ULK4: variants seen among roughly 807,000 people sequenced by gnomAD.
ULK4 encodes the protein inactive serine/threonine-protein kinase ULK4.
Under a neutral mutation model 160.6 loss-of-function variants are expected in ULK4, and 133 were observed. The observed-to-expected ratio is 0.83, with a 90% CI of 0.72 to 0.96. The LOEUF (loss-of-function observed/expected upper bound fraction) is 0.96, where lower values mean the gene tolerates loss of function less well. Ranked by LOEUF, ULK4 falls within the 40% of genes least tolerant of loss-of-function variation. The pLI, the probability that ULK4 is intolerant of heterozygous loss-of-function variation, is 0.00. For synonymous variants in ULK4, 534 were observed against 539.8 expected, an observed-to-expected ratio of 0.99 and a Z score of 0.15; for missense variants, 1,580 against 1,499.5, an observed-to-expected ratio of 1.05 and a Z score of -0.89.
intron 35 of ULK4, among the ~76,000 whole-genome samples, chr3:41,354,942 C>CTT (rs2080998787): frequency 6.6e-6 from 1 of 152,204 alleles, no homozygotes; most frequent in South Asian, 2.1e-4. Flanking sequence ...TGATGGCTAT[C>CTT]TTTCCCTTCT....
At chr3:41,727,666 G>T (rs1047283910) in intron 22 of ULK4, among the ~76,000 whole-genome samples, 6 of 152,154 alleles carry the variant, frequency 3.9e-5, no homozygotes, top group African/African-American at 1.4e-4. Flanking sequence ...CCATGTAAGG[G>T]ATTGTATGCC....
At chr3:41,823,366 A>C (rs1387731461) in intron 18 of ULK4, among the ~76,000 whole-genome samples, 1 of 152,232 alleles carries the variant, frequency 6.6e-6, no homozygotes, top group East Asian at 1.9e-4. Context: ...CTGAAGAGCC[A>C]GCCCAAAAGG....
At chr3:41,306,609 A>C (rs963742706) in intron 35 of ULK4, among the ~76,000 whole-genome samples, 27 of 151,226 alleles carry the variant, frequency 1.8e-4, no homozygotes, top group Non-Finnish European at 3.1e-4. Context: ...GGAAGTGAGG[A>C]GCCCCTCTGC....
rs11129931 is a variant in ULK4 at position 41,694,533 on chromosome 3, G to A, written c.2781+10524C>T. 3.5e-3 allele frequency among the ~76,000 whole-genome samples: 527 copies of A among 152,236 alleles called. 1 individual carries two copies. The highest frequency in any genetic ancestry group is 0.024 in the Middle Eastern group (7 of 292). On this transcript the variant is annotated intron_variant, in intron 27 of 36. Transcript: ENST00000301831. ...CTGACCTGGGGGATGAGAAGTCTAGGTTCACATAAGGAATGCTGAGTATAG... is the reference window on the plus strand; with the variant it reads ...CTGACCTGGGGGATGAGAAGTCTAGATTCACATAAGGAATGCTGAGTATAG...
intron 16 of ULK4, among the ~76,000 whole-genome samples, chr3:41,887,660 A>G (rs577267945): frequency 1.9e-4 from 29 of 152,008 alleles, no homozygotes; most frequent in Non-Finnish European, 3.7e-4. Context: ...TCTCTACTAA[A>G]ATATACAAAA....
At chr3:41,391,250 A>G (rs2081951942) in intron 35 of ULK4, among the ~76,000 whole-genome samples, 2 of 152,102 alleles carry the variant, frequency 1.3e-5, no homozygotes, top group South Asian at 4.1e-4. Context: ...TCAAGAAAAG[A>G]TCTCTTTCAG....
chr3:41,604,229 G>T (rs1237039938), intron 31 of ULK4, among the ~76,000 whole-genome samples: 1 of 152,086 alleles, frequency 6.6e-6, no homozygotes, highest in African/African-American at 2.4e-5. Context: ...ATCAGGAAGG[G>T]AAAGAGAGAG....
At chr3:41,467,291 G>A (rs2083858807) in intron 32 of ULK4, among the ~76,000 whole-genome samples, 1 of 152,152 alleles carries the variant, frequency 6.6e-6, no homozygotes, top group African/African-American at 2.4e-5. Flanking sequence ...ACTTTGGGAG[G>A]CCGAGGTGGG....
At chr3:41,558,868 TTTTA>T (rs1218228622) in intron 32 of ULK4, among the ~76,000 whole-genome samples, 6 of 151,550 alleles carry the variant, frequency 4.0e-5, no homozygotes, top group Non-Finnish European at 5.9e-5. Flanking sequence ...TTCTATTTTA[TTTTA>T]TTTATTTATT....
chr3:41,349,589 C>G (rs2080870035), intron 35 of ULK4, among the ~76,000 whole-genome samples: 1 of 152,174 alleles, frequency 6.6e-6, no homozygotes, highest in South Asian at 2.1e-4. Context: ...AGCAGAATTA[C>G]TACGAGTAGT....
intron 17 of ULK4, among the ~76,000 whole-genome samples, chr3:41,865,645 T>A (rs2042599215): frequency 6.6e-6 from 1 of 152,180 alleles, no homozygotes; most frequent in Non-Finnish European, 1.5e-5. Context: ...AACACCTGTT[T>A]TGCTTATTTG....
intron 31 of ULK4, among the ~76,000 whole-genome samples, chr3:41,611,173 C>T (rs1404404153): frequency 1.3e-5 from 2 of 152,240 alleles, no homozygotes; most frequent in Non-Finnish European, 2.9e-5. Flanking sequence ...TGCGGTACAC[C>T]GTGAAGACTG....
chr3:41,311,189 G>T (rs1354283250), intron 35 of ULK4, among the ~76,000 whole-genome samples: 2 of 152,098 alleles, frequency 1.3e-5, no homozygotes, highest in Non-Finnish European at 2.9e-5. Context: ...CATTATCATG[G>T]TTAATACTGA....
chr3:41,573,446 G>C (rs1188836970), intron 31 of ULK4, among the ~76,000 whole-genome samples: 1 of 152,198 alleles, frequency 6.6e-6, no homozygotes, highest in Non-Finnish European at 1.5e-5. Flanking sequence ...TGGATTAAAA[G>C]TTTGGTAAGG....
At chr3:41,922,412 A>G (rs753334006) in intron 5 of ULK4, among the ~76,000 whole-genome samples, 50 of 152,112 alleles carry the variant, frequency 3.3e-4, no homozygotes, top group Non-Finnish European at 5.7e-4. Context: ...GCTTCAGTCC[A>G]GGAGCTCAAG....
intron 31 of ULK4, among the ~76,000 whole-genome samples, chr3:41,604,806 C>T (rs891133284): frequency 6.6e-6 from 1 of 152,056 alleles, no homozygotes; most frequent in African/African-American, 2.4e-5. Flanking sequence ...TACCTTCTAC[C>T]CGTGGACTTT....
At chr3:41,673,953 T>C (rs1034576925) in intron 29 of ULK4, among the ~76,000 whole-genome samples, 1 of 152,198 alleles carries the variant, frequency 6.6e-6, no homozygotes, top group Non-Finnish European at 1.5e-5. Context: ...GGCGGGAATT[T>C]AATTGTGTTA....
At chr3:41,752,734 T>A (rs1364173062) in intron 22 of ULK4, among the ~76,000 whole-genome samples, 1 of 152,160 alleles carries the variant, frequency 6.6e-6, no homozygotes, top group Non-Finnish European at 1.5e-5. Flanking sequence ...TAAATCACAT[T>A]AAAAATCAGC....
At chr3:41,568,887 A>C (rs2087874909) in intron 31 of ULK4, among the ~76,000 whole-genome samples, 1 of 152,186 alleles carries the variant, frequency 6.6e-6, no homozygotes, top group Admixed American at 6.5e-5. Context: ...ACTCATCACA[A>C]GTCTGGACCT....
Sources: allele counts gnomAD v4.1 joint callset (sites outside exome capture counted in the v4.1 genomes callset), GRCh38; gene constraint gnomAD v4.1.1; transcripts MANE v1.5; gene names NCBI Gene and HGNC (gene_info 2026-07-23, HGNC 2026-07-21).